The following NEURL3 variants were observed in gnomAD, a reference collection of about 807,000 sequenced individuals.
NEURL3 encodes the protein E3 ubiquitin-protein ligase NEURL3.
Under a neutral mutation model 17.6 loss-of-function variants are expected in NEURL3, and 19 were observed. The observed-to-expected ratio is 1.08, with a 90% CI of 0.75 to 1.58. The LOEUF (loss-of-function observed/expected upper bound fraction) is 1.58, where lower values mean the gene tolerates loss of function less well. Ranked by LOEUF, NEURL3 falls within the 40% of genes most tolerant of loss-of-function variation. The probability of loss-of-function intolerance (pLI) is 0.00; values close to 1 mark genes in which losing one functional copy is unlikely to be tolerated. For missense variants in NEURL3, 342 were observed against 379.6 expected (o/e 0.90, Z 0.82); for synonymous variants, 180 against 161.4 (o/e 1.11, Z -0.87).
At chr2:96,500,386 A>G (rs555464543) in intron 2 of NEURL3, 53 bp downstream of exon 2, 25 of 1,590,552 alleles carry the variant, frequency 1.6e-5, no homozygotes, top group East Asian at 1.6e-4. Context: ...GTGGGGTGCC[A>G]CTGGAGCCCC....
At chr2:96,501,119 T>A in intron 1 of NEURL3, 195 bp from the exon 2 acceptor site, 1 of 226,596 alleles carries the variant, frequency 4.4e-6, no homozygotes, top group Non-Finnish European at 7.4e-6. Context: ...GTACTCTTCC[T>A]GCGACCAATC....
chr2:96,502,588 G>A (rs550424579), intron 1 of NEURL3, among the ~76,000 whole-genome samples: 117 of 152,386 alleles, frequency 7.7e-4, no homozygotes, highest in Middle Eastern at 6.8e-3. Context: ...GGGGCTGGGG[G>A]TGACAGGGCA....
At position 96,500,882 on chromosome 2, in the gene NEURL3, G is replaced by A; in HGVS notation, c.71C>T (p.Ala24Val). 1 of 1,555,172 alleles carries A rather than the reference G, an allele frequency of 6.4e-7. No homozygotes were observed. The highest frequency in any genetic ancestry group is 1.8e-5 in the Admixed American group (1 of 54,222). Residue 24 changes from alanine (A) to valine (V), a missense_variant, in exon 2 of 4, where the codon GCC becomes GTC. Physicochemically the swap from Ala to Val is moderately conservative, Grantham distance 64. Transcript: ENST00000451794. ...GTCCAGACGCACCTGTGCGCCCTTG[G>A]CCTCGGCATGGAAGCGAAGTGCCTC... ...PREALRFHAE[A>V]KGAQVRLDTR...
intron 3 of NEURL3, chr2:96,499,148 A>C (rs1365029934): frequency 1.5e-6 from 2 of 1,306,552 alleles, no homozygotes; most frequent in Non-Finnish European, 2.0e-6. Context: ...AAGCAAGAAC[A>C]AAATAACACT....
chr2:96,505,545 G>A (rs769801856), upstream of NEURL3, among the ~76,000 whole-genome samples: 9 of 152,184 alleles, frequency 5.9e-5, no homozygotes, highest in Non-Finnish European at 8.8e-5. Context: ...GTCTGGCCTG[G>A]GTAGGTCTTA....
chr2:96,504,897 A>AAAAAAAAAAAAAAAAG (rs2065547676), intron 1 of NEURL3, among the ~76,000 whole-genome samples: 1 of 149,528 alleles, frequency 6.7e-6, no homozygotes, highest in African/African-American at 2.4e-5. Context: ...AAAAAAAAAA[A>AAAAAAAAAAAAAAAAG]AAAGACCAGG....
intron 1 of NEURL3, among the ~76,000 whole-genome samples, chr2:96,503,924 G>T (rs1489082572): frequency 6.6e-6 from 1 of 152,248 alleles, no homozygotes; most frequent in Non-Finnish European, 1.5e-5. Flanking sequence ...CACACCTAGA[G>T]GCAGCCGCTC....
chr2:96,498,332 G>C lies in NEURL3; in HGVS notation c.701C>G (p.Thr234Arg). ...CCAGCGGCACACAGGGCACTTGGCC[G>C]TATCGCTGAAGACCCGCCAGGCACA... is the stretch of plus-strand genomic sequence containing the variant. ...RYCAWRVFSD[T>R]AKCPVCRWQI... The change falls in exon 4 of 4, where the codon ACG (threonine) becomes AGG (arginine). Residue 234 changes from threonine (T) to arginine (R), a missense_variant. Thr to Arg is a moderately conservative substitution (Grantham distance 71). Transcript: ENST00000451794. The surrounding 1 kb of genome is among the most constrained non-coding windows in gnomAD (Gnocchi z 4.4). 6.3e-7 allele frequency: 1 copy of C among 1,598,112 alleles called. No individual in the cohort carries two copies.
rs2065468831 is a variant in NEURL3, at chr2:96,498,682, C to T, written c.587-236G>A. 6.6e-6 allele frequency among the ~76,000 whole-genome samples: 1 copy of T among 152,194 alleles called. No homozygotes were observed. The highest frequency in any genetic ancestry group is 2.1e-4 in the South Asian group (1 of 4,826). On this transcript the variant is annotated intron_variant, in intron 3 of 3. Transcript: ENST00000451794. The surrounding 1 kb of genome is among the most constrained non-coding windows in gnomAD (Gnocchi z 4.4). ...AGGAAAACGCAGCACAGACAAGTCC[C>T]TATATACACACGTCTATATCGATGA...
chr2:96,499,477 A>T, intron 2 of NEURL3, 28 bp from the exon 3 acceptor site: 1 of 1,595,658 alleles, frequency 6.3e-7, no homozygotes, highest in Non-Finnish European at 8.5e-7. Flanking sequence ...ACTCAGGTCC[A>T]GGACGGCAAG....
At chr2:96,504,027 C>CG (rs1255251396) in intron 1 of NEURL3, among the ~76,000 whole-genome samples, 1 of 152,224 alleles carries the variant, frequency 6.6e-6, no homozygotes, top group African/African-American at 2.4e-5. Flanking sequence ...CCACCTGCCC[C>CG]GGGGTCCCCA....
intron 1 of NEURL3, among the ~76,000 whole-genome samples, chr2:96,504,295 A>G (rs1192409431): frequency 6.6e-6 from 1 of 152,132 alleles, no homozygotes; most frequent in African/African-American, 2.4e-5. Flanking sequence ...AAGCCCTCAG[A>G]GCTTGAGAAG....
chr2:96,500,901 G>C lies in NEURL3; in HGVS notation c.52C>G (p.Leu18Val). 6.4e-7 allele frequency: 1 copy of C among 1,566,720 alleles called. No homozygotes were observed. Among genetic ancestry groups the C allele is most frequent in the East Asian group, 2.3e-5 (1 of 42,864 alleles). Residue 18 changes from leucine to valine, a missense_variant, in exon 2 of 4, where the codon CTT (leucine) becomes GTT (valine). Physicochemically the swap from Leu to Val is conservative, Grantham distance 32 (BLOSUM62 1). Transcript: ENST00000451794. ...CCCTTGGCCTCGGCATGGAAGCGAAGTGCCTCTCGGGGCGCCTTGGCGTCT... is the reference window on the plus strand; with the variant it reads ...CCCTTGGCCTCGGCATGGAAGCGAACTGCCTCTCGGGGCGCCTTGGCGTCT... ...EANAKAPREA[L>V]RFHAEAKGAQ...
intron 3 of NEURL3, 147 bp downstream of exon 3, chr2:96,499,231 T>C (rs2065473075): frequency 7.1e-7 from 1 of 1,415,718 alleles, no homozygotes; most frequent in African/African-American, 1.4e-5. Context: ...GCCAGGTTGC[T>C]TTTAGGTTTC....
At chr2:96,499,803 C>T (rs1024732471) in intron 2 of NEURL3, among the ~76,000 whole-genome samples, 11 of 152,086 alleles carry the variant, frequency 7.2e-5, no homozygotes, top group Non-Finnish European at 1.5e-4. Flanking sequence ...GTTCAGGGCT[C>T]CACTCCAGAC....
At chr2:96,499,488 C>T (rs2065478045) in intron 2 of NEURL3, 39 bp from the exon 3 acceptor site, 6 of 1,570,384 alleles carry the variant, frequency 3.8e-6, no homozygotes, top group Non-Finnish European at 5.2e-6. Flanking sequence ...GGACGGCAAG[C>T]CCAGGTGCCC....
rs2065496836 is a variant in NEURL3, at chr2:96,500,737, C to A, written c.216G>T (p.Trp72Cys). The A allele has an allele frequency of 2.0e-6, 3 of 1,519,678 alleles. No homozygotes were observed. The highest frequency in any genetic ancestry group is 8.8e-7 in the Non-Finnish European group (1 of 1,139,770). 94.1% of individuals were successfully genotyped at this position (1,519,678 alleles called of 1,614,324 possible). ...TGAAGCCCACGCGGAGGCCGCCGCA[C>A]CAGCCGCTCTCCTCCCGCAGCACTC... ...ALRVLREESGWCGGLRVGFTR... is the reference protein window; with the variant it reads ...ALRVLREESGCCGGLRVGFTR... The change falls in exon 2 of 4, where the codon TGG becomes TGT. Residue 72 changes from tryptophan to cysteine, a missense_variant. Trp to Cys is a radical substitution (Grantham distance 215, BLOSUM62 -2). Transcript: ENST00000451794.
chr2:96,498,230 T>C lies in NEURL3; in HGVS notation c.*14A>G, dbSNP rs761560052. On this transcript the variant is annotated 3_prime_UTR_variant, in exon 4 of 4. Coordinates refer to ENST00000451794, the MANE Select transcript of NEURL3 (RefSeq NM_001285485.2). This position sits in a 1 kb window ranked among gnomAD's most constrained non-coding sequence, Gnocchi z 4.4. ...TCTAGGCCCGGGCTGCCACTCATAC[T>C]GGGAAGCCTCCTTTCATGAGCCTTC... is the stretch of plus-strand genomic sequence containing the variant. The C allele has an allele frequency of 6.1e-5, 93 of 1,529,596 alleles. No homozygotes were observed. The highest frequency in any genetic ancestry group is 7.8e-5 in the Non-Finnish European group (89 of 1,142,118). The allele number at this position is 1,529,596 out of a possible 1,614,324, so 94.8% of individuals were successfully genotyped here.
chr2:96,500,995 G>A (rs958131628), intron 1 of NEURL3, 71 bp from the exon 2 acceptor site: 1 of 1,421,638 alleles, frequency 7.0e-7, no homozygotes, highest in Non-Finnish European at 9.2e-7. Flanking sequence ...AGAGCCCCCA[G>A]TATCCCAGAG....
Sources: gnomAD v4.1 joint callset for allele counts (sites outside exome capture counted in the v4.1 genomes callset) on GRCh38, gnomAD v4.1.1 for gene constraint, Gnocchi (gnomAD v3.1) non-coding constraint, MANE v1.5 for transcripts, NCBI Gene and HGNC (gene_info 2026-07-23, HGNC 2026-07-21) for gene names.